Variants in MAD1L1 observed in about 807,000 individuals in gnomAD.
MAD1L1 encodes mitotic arrest deficient 1 like 1.
In MAD1L1, 95 loss-of-function variants were observed where a neutral mutation model predicts 96.9. The ratio of observed to expected loss-of-function variants is 0.98; its 90% CI spans 0.83 to 1.16. The LOEUF (loss-of-function observed/expected upper bound fraction) is 1.16, where lower values mean the gene tolerates loss of function less well. Ranked by LOEUF, MAD1L1 falls within the 50% of genes most tolerant of loss-of-function variation. The probability of loss-of-function intolerance (pLI) is 0.00; values close to 1 mark genes in which losing one functional copy is unlikely to be tolerated. For missense variants in MAD1L1, 1,007 were observed against 954.4 expected, an observed-to-expected ratio of 1.06 and a Z score of -0.73; for synonymous variants, 473 against 396.6, an observed-to-expected ratio of 1.19 and a Z score of -2.29.
intron 18 of MAD1L1, among the ~76,000 whole-genome samples, chr7:1,852,859 C>A (rs1784049503): frequency 6.6e-6 from 1 of 152,000 alleles, no homozygotes; most frequent in Admixed American, 6.5e-5. Context: ...CTGAGAGCCG[C>A]ACGTGCTGAG....
intron 11 of MAD1L1, among the ~76,000 whole-genome samples, chr7:2,125,811 CA>C (rs1210662315): frequency 1.3e-5 from 2 of 152,240 alleles, no homozygotes; most frequent in East Asian, 3.8e-4. Context: ...GAGACAATAT[CA>C]AGAGAGACTC....
At chr7:2,016,407 AC>A (rs1409114390) in intron 12 of MAD1L1, among the ~76,000 whole-genome samples, 25 of 151,992 alleles carry the variant, frequency 1.6e-4, no homozygotes, top group African/African-American at 4.1e-4. Context: ...GGGGAGCAAG[AC>A]CCCCACCCAG....
intron 10 of MAD1L1, among the ~76,000 whole-genome samples, chr7:2,198,109 G>C (rs1792089127): frequency 6.6e-6 from 1 of 151,418 alleles, no homozygotes; most frequent in Non-Finnish European, 1.5e-5. Context: ...TTGGAGGAAG[G>C]GTTATCTTTA....
At chr7:2,168,155 G>C (rs926130970) in intron 10 of MAD1L1, among the ~76,000 whole-genome samples, 22 of 152,026 alleles carry the variant, frequency 1.4e-4, no homozygotes, top group African/African-American at 5.1e-4. Flanking sequence ...CGTGGTGGTG[G>C]GTGCCTGTAG....
In MAD1L1 at chr7:1,873,479, G is replaced by C. The variant is rs372375937; in HGVS notation, c.1998+24721C>G. On this transcript the variant is annotated intron_variant, in intron 18 of 18. Transcript: ENST00000265854. ...GGGGCAGGTGGGGAGCCCTGGTGGA[G>C]AGCTAGTAGGAGCACGGCACGGCCG... 3.8e-4 allele frequency among the ~76,000 whole-genome samples: 58 copies of C among 152,094 alleles called. No individual in the cohort carries two copies. In the East Asian group the frequency reaches 8.3e-3, roughly 22 times the overall value.
At chr7:1,882,993 T>A (rs1785783885) in intron 18 of MAD1L1, among the ~76,000 whole-genome samples, 1 of 66,242 alleles carries the variant, frequency 1.5e-5, no homozygotes, top group Non-Finnish European at 2.8e-5. Flanking sequence ...TCACCAAACC[T>A]CGTGCCACAA....
chr7:2,105,217 C>T (rs1364116484), intron 11 of MAD1L1, among the ~76,000 whole-genome samples: 1 of 152,062 alleles, frequency 6.6e-6, no homozygotes, highest in Non-Finnish European at 1.5e-5. Flanking sequence ...AGGTCTCTGC[C>T]GACAAGGGGT....
At chr7:2,077,938 T>C (rs1042562603) in intron 11 of MAD1L1, among the ~76,000 whole-genome samples, 5 of 152,142 alleles carry the variant, frequency 3.3e-5, no homozygotes, top group East Asian at 3.9e-4. Context: ...AAATTTTAAA[T>C]GGAGCACGAA....
At chr7:2,206,419 G>A (rs902198480) in intron 10 of MAD1L1, among the ~76,000 whole-genome samples, 1 of 152,164 alleles carries the variant, frequency 6.6e-6, no homozygotes, top group African/African-American at 2.4e-5. Context: ...CTAGCTTCCA[G>A]ATTTTGTGAC....
At chr7:1,977,647 T>C (rs961604889) in intron 15 of MAD1L1, among the ~76,000 whole-genome samples, 1 of 152,228 alleles carries the variant, frequency 6.6e-6, no homozygotes, top group African/African-American at 2.4e-5. Flanking sequence ...ATATCAATGA[T>C]AAAGGCCTTT....
chr7:1,825,046 C>T (rs1345822403), intron 18 of MAD1L1, among the ~76,000 whole-genome samples: 4 of 152,140 alleles, frequency 2.6e-5, no homozygotes, highest in Middle Eastern at 3.2e-3. Context: ...AGTGCTGGGA[C>T]GGAAAGTGAC....
At position 1,936,827 on chromosome 7, in the gene MAD1L1, C is replaced by A. The variant is rs755012008; in HGVS notation, c.1667G>T (p.Arg556Leu). Residue 556 changes from arginine to leucine, a missense_variant, in exon 17 of 19, where the codon CGC becomes CTC. Coordinates refer to ENST00000265854, the MANE Select transcript of MAD1L1 (RefSeq NM_001013836.2). ...CAGCTGGCTGTGGTCCTCGCGCAGG[C>A]GCTGCCTGGCCACACTGGTGGGGTT... is the stretch of plus-strand genomic sequence containing the variant. Reference protein sequence around the residue: ...SLNPTSVARQRLREDHSQLQA... With the variant: ...SLNPTSVARQLLREDHSQLQA... 2 of 1,603,680 alleles carry A rather than the reference C, an allele frequency of 1.2e-6. No individual in the cohort carries two copies. Among genetic ancestry groups the A allele is most frequent in the Admixed American group, 1.7e-5 (1 of 58,606 alleles).
chr7:1,915,439 G>C (rs1323698649), intron 17 of MAD1L1, among the ~76,000 whole-genome samples: 1 of 152,162 alleles, frequency 6.6e-6, no homozygotes, highest in Non-Finnish European at 1.5e-5. Context: ...GCAGGGCCAG[G>C]GGACGGCGCA....
At chr7:1,935,530 G>T (rs985272605) in intron 17 of MAD1L1, among the ~76,000 whole-genome samples, 2 of 152,178 alleles carry the variant, frequency 1.3e-5, no homozygotes, top group Admixed American at 1.3e-4. Context: ...TATGGGGGTG[G>T]GGCACAAGAG....
At chr7:2,048,092 C>T (rs146483224) in intron 12 of MAD1L1, among the ~76,000 whole-genome samples, 8 of 152,360 alleles carry the variant, frequency 5.3e-5, no homozygotes, top group Non-Finnish European at 8.8e-5. Context: ...ACACAGAGCT[C>T]ATGCAGCACA....
At chr7:1,973,129 C>G (rs573643204) in intron 15 of MAD1L1, among the ~76,000 whole-genome samples, 16 of 152,320 alleles carry the variant, frequency 1.1e-4, no homozygotes, top group African/African-American at 3.6e-4. Context: ...TGCTCTCGGA[C>G]AGGGTGTTCC....
chr7:1,941,624 C>T (rs978250923), intron 16 of MAD1L1, among the ~76,000 whole-genome samples: 7 of 152,234 alleles, frequency 4.6e-5, no homozygotes, highest in South Asian at 2.1e-4. Flanking sequence ...TCAGCCGCTA[C>T]GCATGCACCA....
At chr7:1,821,417 C>T (rs1782119662) in intron 18 of MAD1L1, among the ~76,000 whole-genome samples, 1 of 152,054 alleles carries the variant, frequency 6.6e-6, no homozygotes, top group African/African-American at 2.4e-5. Context: ...TTTCAGTTAA[C>T]AAAAGACAGA....
chr7:2,075,397 C>T (rs574007486), intron 11 of MAD1L1, among the ~76,000 whole-genome samples: 40 of 152,320 alleles, frequency 2.6e-4, no homozygotes, highest in African/African-American at 7.0e-4. Flanking sequence ...CCAGCGACGG[C>T]GGGCTCTCCC....
Sources: gnomAD v4.1 joint callset for allele counts (sites outside exome capture counted in the v4.1 genomes callset) on GRCh38, gnomAD v4.1.1 for gene constraint, MANE v1.5 for transcripts, NCBI Gene and HGNC (gene_info 2026-07-23, HGNC 2026-07-21) for gene names.